The following PIWIL1 variants were observed in gnomAD, a reference collection of about 807,000 sequenced individuals.
PIWIL1 encodes the protein piwi like RNA-mediated gene silencing 1, also known as piwi-like protein 1.
In PIWIL1, 73 loss-of-function variants were observed where a neutral mutation model predicts 114.4. The observed-to-expected ratio is 0.64, with a 90% CI of 0.53 to 0.78. PIWIL1 has a LOEUF of 0.78. PIWIL1 is among the 30% of genes least tolerant of loss of function. The pLI is 0.00. For missense variants in PIWIL1, 723 were observed against 1,063.1 expected, an observed-to-expected ratio of 0.68 and a Z score of 4.45; for synonymous variants, 375 against 369.0, an observed-to-expected ratio of 1.02 and a Z score of -0.19.
At chr12:130,376,303 A>G (rs2073865640), downstream of PIWIL1, among the ~76,000 whole-genome samples, 1 of 152,256 alleles carries the variant, frequency 6.6e-6, no homozygotes, top group African/African-American at 2.4e-5. Context: ...ACATCTAAAA[A>G]TATGCGTGCC....
chr12:130,391,320 GCT>G, the PIWIL1 span, among the ~76,000 whole-genome samples: 1 of 152,186 alleles, frequency 6.6e-6, no homozygotes, highest in Non-Finnish European at 1.5e-5. Context: ...CTGGGGCCGT[GCT>G]CTCTCTCCTT....
At chr12:130,355,125 A>G (rs1294305354) in intron 11 of PIWIL1, 120 bp downstream of exon 11, 12 of 717,074 alleles carry the variant, frequency 1.7e-5, no homozygotes, top group Non-Finnish European at 3.0e-5. Context: ...TATCTGTAGT[A>G]TTTGGGGTGG....
chr12:130,419,445 T>C, the PIWIL1 span: 1 of 152,282 alleles, frequency 6.6e-6, no homozygotes, highest in Non-Finnish European at 1.5e-5. This position sits in a 1 kb window ranked among gnomAD's most constrained non-coding sequence, Gnocchi z 4.3. Flanking sequence ...CCTCACTACC[T>C]GGCCCAGACC....
At chr12:130,375,679 G>C (rs1385795104), downstream of PIWIL1, among the ~76,000 whole-genome samples, 1 of 151,796 alleles carries the variant, frequency 6.6e-6, no homozygotes, top group Non-Finnish European at 1.5e-5. Context: ...TTGCAAAACT[G>C]GTGTCATTTT....
At chr12:130,346,718 A>AC (rs1287850234) in intron 5 of PIWIL1, 134 bp downstream of exon 5, 6 of 857,146 alleles carry the variant, frequency 7.0e-6, no homozygotes, top group African/African-American at 5.1e-5. Context: ...CACATAGGGT[A>AC]CTTTGGCATT....
rs774342844 is a variant in PIWIL1, at chr12:130,355,525, G to A, written c.1290-28G>A. On this transcript the variant is annotated intron_variant, in intron 11 of 20. Coordinates refer to ENST00000245255, the MANE Select transcript of PIWIL1 (RefSeq NM_004764.5). The stretch of plus-strand genomic sequence containing the variant: ...TCTTCTTGCTGTGTCTCTTTGTTGA[G>A]TCGCATGTAAATGTGTTAAATTTAC... 6 of 1,463,428 alleles carry A rather than the reference G, an allele frequency of 4.1e-6. No homozygotes were observed. In the East Asian group the frequency reaches 6.8e-5, roughly 17 times the overall value. The allele number at this position is 1,463,428 out of a possible 1,614,324, so 90.7% of individuals were successfully genotyped here.
the PIWIL1 span, chr12:130,414,295 G>T: frequency 1.3e-6 from 2 of 1,589,098 alleles, no homozygotes; most frequent in Non-Finnish European, 1.7e-6. Flanking sequence ...AGGCGGTCTC[G>T]CCCGTAATCG....
the PIWIL1 span, among the ~76,000 whole-genome samples, chr12:130,405,891 T>A: frequency 6.6e-6 from 1 of 152,182 alleles, no homozygotes; most frequent in East Asian, 1.9e-4. Flanking sequence ...GGCAGCAATT[T>A]AAAAAATAAG....
chr12:130,376,364 G>T (rs368962783), downstream of PIWIL1, among the ~76,000 whole-genome samples: 28 of 152,312 alleles, frequency 1.8e-4, no homozygotes, highest in East Asian at 3.7e-3. Context: ...GTAGCCTCTG[G>T]AAAACACTGT....
intron 3 of PIWIL1, among the ~76,000 whole-genome samples, chr12:130,343,479 C>T (rs2072982859): frequency 6.6e-6 from 1 of 152,090 alleles, no homozygotes; most frequent in African/African-American, 2.4e-5. Flanking sequence ...GGGATTATAC[C>T]TGAGAATTGC....
Position 130,367,124 on chromosome 12 carries a change from AT to A in PIWIL1, c.2196-4del. On this transcript the variant is annotated splice_region_variant and splice_polypyrimidine_tract_variant and intron_variant, in intron 18 of 20. Transcript: ENST00000245255. Reference sequence around the variant, plus strand: ...GCTAAATGCAGTTACATTCATCATCATTTTTAAGCCCTAGACTAACGGTAAT... The same window carrying A: ...GCTAAATGCAGTTACATTCATCATCATTTTAAGCCCTAGACTAACGGTAAT... The A allele has an allele frequency of 6.2e-7, 1 of 1,613,532 alleles. No homozygotes were observed. Among genetic ancestry groups the A allele is most frequent in the South Asian group, 1.1e-5 (1 of 91,002 alleles).
the PIWIL1 span, among the ~76,000 whole-genome samples, chr12:130,417,868 A>T: frequency 6.8e-6 from 1 of 146,306 alleles, no homozygotes; most frequent in African/African-American, 2.4e-5. Context: ...AGAGAATGGG[A>T]GGGGAGAGGG....
the PIWIL1 span, among the ~76,000 whole-genome samples, chr12:130,401,915 G>A: frequency 6.6e-6 from 1 of 152,108 alleles, no homozygotes; most frequent in African/African-American, 2.4e-5. Context: ...CTCCGCTGGT[G>A]TCATGCTCAC....
the PIWIL1 span, among the ~76,000 whole-genome samples, chr12:130,413,078 G>A: frequency 1.3e-5 from 2 of 151,956 alleles, no homozygotes; most frequent in African/African-American, 4.8e-5. Flanking sequence ...TTAAATTCAC[G>A]CACATTAAAA....
At chr12:130,338,749 G>C (rs1002370141) in intron 1 of PIWIL1, among the ~76,000 whole-genome samples, 10 of 133,964 alleles carry the variant, frequency 7.5e-5, no homozygotes, top group Non-Finnish European at 1.6e-4. Flanking sequence ...AGATGCAGGA[G>C]CCTGGGGTGC....
At chr12:130,343,498 G>A (rs1395163651) in intron 3 of PIWIL1, among the ~76,000 whole-genome samples, 1 of 152,046 alleles carries the variant, frequency 6.6e-6, no homozygotes, top group Non-Finnish European at 1.5e-5. Context: ...GCTTGTCACG[G>A]TAAATGCTCA....
the PIWIL1 span, among the ~76,000 whole-genome samples, chr12:130,381,074 T>A: frequency 6.6e-6 from 1 of 152,104 alleles, no homozygotes; most frequent in Non-Finnish European, 1.5e-5. Flanking sequence ...CCAGAGTGGT[T>A]CCCTTGTTAC....
chr12:130,393,977 GT>G, the PIWIL1 span, among the ~76,000 whole-genome samples: 1 of 152,136 alleles, frequency 6.6e-6, no homozygotes, highest in African/African-American at 2.4e-5. Flanking sequence ...TGGGCATTTT[GT>G]GTTTGCTGTA....
chr12:130,374,342 A>G (rs1194175064), downstream of PIWIL1, among the ~76,000 whole-genome samples: 2 of 152,218 alleles, frequency 1.3e-5, no homozygotes, highest in Admixed American at 6.5e-5. Context: ...TTTCTAAGTA[A>G]AAGCTTAAAG....
Sources: gnomAD v4.1 joint callset for allele counts (sites outside exome capture counted in the v4.1 genomes callset) on GRCh38, gnomAD v4.1.1 for gene constraint, Gnocchi (gnomAD v3.1) non-coding constraint, MANE v1.5 for transcripts, NCBI Gene and HGNC (gene_info 2026-07-23, HGNC 2026-07-21) for gene names.